HNF1A: variants seen among roughly 807,000 people sequenced by gnomAD.
The protein encoded by HNF1A is HNF1 homeobox A.
In HNF1A, 21 loss-of-function variants were observed where a neutral mutation model predicts 62.2. The ratio of observed to expected loss-of-function variants is 0.34; its 90% CI spans 0.24 to 0.49. HNF1A has a LOEUF of 0.49. HNF1A is among the 20% of genes least tolerant of loss of function. HNF1A has a pLI of 0.99. For missense variants in HNF1A, 687 were observed against 832.3 expected (o/e 0.83, Z 2.15); for synonymous variants, 374 against 366.8 (o/e 1.02, Z -0.22).
At chr12:120,984,900 G>A (rs185709547) in intron 1 of HNF1A, among the ~76,000 whole-genome samples, 10 of 151,902 alleles carry the variant, frequency 6.6e-5, no homozygotes, top group African/African-American at 2.4e-4. Flanking sequence ...TCCTCAGCAC[G>A]GTGCCTGGCT....
rs1169302 is a variant in HNF1A, at chr12:120,994,499, T to G, written c.955+94T>G. On this transcript the variant is annotated intron_variant, in intron 4 of 9. Transcript: ENST00000257555. ...AGCAGTCACCTAAACCTCTTTGCAC[T>G]TCAGTTTGGTTCCATTCCATTCATG... The G allele has an allele frequency of 0.44, 620,354 of 1,404,666 alleles. 140,069 individuals carry two copies. The highest frequency in any genetic ancestry group is 0.7 in the East Asian group (28,211 of 40,158). 87.0% of individuals were successfully genotyped at this position (1,404,666 alleles called of 1,614,324 possible).
rs1876068336 is a variant in HNF1A, at chr12:120,978,647, G to A, written c.-122G>A. The A allele has an allele frequency of 1.1e-6, 1 of 937,674 alleles. No individual in the cohort carries two copies. The highest frequency in any genetic ancestry group is 1.7e-6 in the Non-Finnish European group (1 of 583,876). The allele number at this position is 937,674 out of a possible 1,614,324, so 58.1% of individuals were successfully genotyped here. ...AGGGCTTGGCTAGTGGGGTTTTGGG[G>A]GGGCAGTGGGTGCAAGGAGTTTGGT... is the stretch of plus-strand genomic sequence containing the variant. On this transcript the variant is annotated 5_prime_UTR_variant, in exon 1 of 10. Transcript: ENST00000257555.
At position 121,001,279 on chromosome 12, in the gene HNF1A, G is replaced by A. The variant is rs1029883011; in HGVS notation, c.*87G>A. On this transcript the variant is annotated 3_prime_UTR_variant, in exon 10 of 10. Coordinates refer to ENST00000257555, the MANE Select transcript of HNF1A (RefSeq NM_000545.8). ...AGCCCTGCCTGGAGGACCTGAGCCT[G>A]CCGAGCAACCGTGGCCCTTCCTGGA... 1.3e-6 allele frequency: 2 copies of A among 1,526,818 alleles called. No individual in the cohort carries two copies. Among genetic ancestry groups the A allele is most frequent in the African/African-American group, 1.4e-5 (1 of 73,234 alleles). 94.6% of individuals were successfully genotyped at this position (1,526,818 alleles called of 1,614,324 possible).
rs928632840 is a variant in HNF1A, at chr12:120,994,535, T to C, written c.955+130T>C. 4 of 951,298 alleles carry C rather than the reference T, an allele frequency of 4.2e-6. No homozygotes were observed. The African/African-American group carries it at 6.6e-5, about 16-fold the overall frequency. 58.9% of individuals were successfully genotyped at this position (951,298 alleles called of 1,614,324 possible). ...TCCATTCCATTCATGCCACTCCTTA[T>C]CACTCTACTTCACTCTGTTCATTCA... On this transcript the variant is annotated intron_variant, in intron 4 of 9. Transcript: ENST00000257555.
At chr12:120,981,025 C>T (rs1876224883) in intron 1 of HNF1A, 1 of 152,212 alleles carries the variant, frequency 6.6e-6, no homozygotes, top group African/African-American at 2.4e-5. Flanking sequence ...AATTATCAAC[C>T]AGCTCCTTGT....
chr12:120,996,502 A>C lies in HNF1A; in HGVS notation c.1108-39A>C. 1 of 1,612,432 alleles carries C rather than the reference A, an allele frequency of 6.2e-7. No homozygotes were observed. The highest frequency in any genetic ancestry group is 8.5e-7 in the Non-Finnish European group (1 of 1,179,330). On this transcript the variant is annotated intron_variant, in intron 5 of 9. Coordinates refer to ENST00000257555, the MANE Select transcript of HNF1A (RefSeq NM_000545.8). This position sits in a 1 kb window ranked among gnomAD's most constrained non-coding sequence, Gnocchi z 4.5. ...CAGTCCCTAGGGAGGCCCTGTGGGGACCCCGGCCCCCCGGACACAGCTTGG... is the reference window on the plus strand; with the variant it reads ...CAGTCCCTAGGGAGGCCCTGTGGGGCCCCCGGCCCCCCGGACACAGCTTGG...
intron 3 of HNF1A, 95 bp from the exon 4 acceptor site, chr12:120,994,069 C>A (rs962296816): frequency 3.3e-6 from 5 of 1,527,452 alleles, no homozygotes; most frequent in Non-Finnish European, 4.4e-6. Context: ...TCAAACCCTC[C>A]GGCAGAGCTC....
intron 4 of HNF1A, among the ~76,000 whole-genome samples, chr12:120,995,610 A>C (rs1877057654): frequency 6.8e-6 from 1 of 146,512 alleles, no homozygotes; most frequent in East Asian, 2.0e-4. Flanking sequence ...CAACCCACTC[A>C]CTCCACTCCA....
chr12:120,992,722 A>T (rs1203440619), intron 2 of HNF1A, among the ~76,000 whole-genome samples: 2 of 152,198 alleles, frequency 1.3e-5, no homozygotes, highest in African/African-American at 4.8e-5. Context: ...CTTGAGCCTA[A>T]GAGTTCAAGA....
intron 2 of HNF1A, among the ~76,000 whole-genome samples, chr12:120,991,508 C>T (rs964336581): frequency 1.3e-5 from 2 of 152,188 alleles, no homozygotes; most frequent in Non-Finnish European, 2.9e-5. Context: ...GCAAGGGAAT[C>T]GCTTGAACCC....
intron 4 of HNF1A, among the ~76,000 whole-genome samples, chr12:120,995,031 A>G (rs926220214): frequency 2.0e-5 from 3 of 149,424 alleles, no homozygotes; most frequent in Non-Finnish European, 3.0e-5. Flanking sequence ...ACTCTACTCC[A>G]TCCACTCCCC....
intron 1 of HNF1A, among the ~76,000 whole-genome samples, chr12:120,980,491 A>G (rs1366253666): frequency 6.6e-6 from 1 of 151,236 alleles, no homozygotes; most frequent in African/African-American, 2.4e-5. Flanking sequence ...AGGGCAAAGG[A>G]CTCCAGAGCT....
At chr12:120,988,639 T>A (rs904484056) in intron 1 of HNF1A, among the ~76,000 whole-genome samples, 194 bp from the exon 2 acceptor site, 1 of 152,260 alleles carries the variant, frequency 6.6e-6, no homozygotes, top group Non-Finnish European at 1.5e-5. Context: ...CATGTGTCTG[T>A]GTCCCTGTGT....
chr12:120,984,282 G>T (rs187088722), intron 1 of HNF1A, among the ~76,000 whole-genome samples: 1 of 152,046 alleles, frequency 6.6e-6, no homozygotes, highest in African/African-American at 2.4e-5. Context: ...GTGCAGGGTG[G>T]CTGGCCTTTG....
chr12:120,982,059 T>C lies in HNF1A; in HGVS notation c.326+2965T>C, dbSNP rs191614239. Reference sequence around the variant, plus strand: ...CTGATCAGCTCAAACCCCAGCGTGTTTCTTTTTTGTTGTTGTTGTTGTTAT... The same window carrying C: ...CTGATCAGCTCAAACCCCAGCGTGTCTCTTTTTTGTTGTTGTTGTTGTTAT... On this transcript the variant is annotated intron_variant, in intron 1 of 9. Transcript: ENST00000257555. 4.6e-5 allele frequency among the ~76,000 whole-genome samples: 7 copies of C among 152,084 alleles called. No individual in the cohort carries two copies. In the East Asian group the frequency reaches 1.4e-3, roughly 29 times the overall value.
At chr12:120,999,191 T>G (rs1399191823) in intron 7 of HNF1A, 77 bp from the exon 8 acceptor site, 1 of 1,578,674 alleles carries the variant, frequency 6.3e-7, no homozygotes, top group Non-Finnish European at 8.7e-7. Flanking sequence ...CATGCCCCCC[T>G]TTCCCCAGTC....
chr12:120,998,469 A>C (rs959880791), intron 7 of HNF1A, among the ~76,000 whole-genome samples: 1 of 152,154 alleles, frequency 6.6e-6, no homozygotes, highest in African/African-American at 2.4e-5. Context: ...TTTCGCCACC[A>C]AATGAGCTCT....
rs1876099983 is a variant in HNF1A, at chr12:120,978,964, G to A, written c.196G>A (p.Glu66Lys). 6.2e-7 allele frequency: 1 copy of A among 1,608,420 alleles called. No homozygotes were observed. Among genetic ancestry groups the A allele is most frequent in the Non-Finnish European group, 8.5e-7 (1 of 1,177,560 alleles). ...ELAELPNGLG[E>K]TRGSEDETDD... The stretch of plus-strand genomic sequence containing the variant: ...GGCTGAGCTGCCCAATGGGCTGGGG[G>A]AGACTCGGGGCTCCGAGGACGAGAC... The change falls in exon 1 of 10, where the codon GAG (glutamate) becomes AAG (lysine). Residue 66 changes from glutamate to lysine, a missense_variant. Physicochemically the swap from Glu to Lys is moderately conservative, Grantham distance 56. This residue lies in a region of HNF1A where 159 missense variants were observed against 154.4 expected (regional missense o/e 1.03). Transcript: ENST00000257555.
chr12:120,995,473 A>G (rs1877052870), intron 4 of HNF1A, among the ~76,000 whole-genome samples: 1 of 151,542 alleles, frequency 6.6e-6, no homozygotes, highest in South Asian at 2.1e-4. Flanking sequence ...ACTCAACTCC[A>G]TTCACTCCAC....
Sources: gnomAD v4.1 joint callset for allele counts (sites outside exome capture counted in the v4.1 genomes callset) on GRCh38, gnomAD v4.1.1 for gene constraint, gnomAD v4.1.1 regional missense constraint, Gnocchi (gnomAD v3.1) non-coding constraint, MANE v1.5 for transcripts, NCBI Gene and HGNC (gene_info 2026-07-23, HGNC 2026-07-21) for gene names.